Variants in ARHGEF10L observed in about 807,000 individuals in gnomAD.
The protein encoded by ARHGEF10L is rho guanine nucleotide exchange factor 10-like protein.
In ARHGEF10L, 69 loss-of-function variants were observed where a neutral mutation model predicts 141.2. That is an observed-to-expected ratio of 0.49 (90% CI 0.40 to 0.60). The LOEUF is 0.60. ARHGEF10L is among the 20% of genes least tolerant of loss of function. The pLI is 0.00. For synonymous variants in ARHGEF10L, 711 were observed against 718.5 expected, an observed-to-expected ratio of 0.99 and a Z score of 0.17; for missense variants, 1,482 against 1,734.3, an observed-to-expected ratio of 0.85 and a Z score of 2.58.
At chr1:17,564,105 G>T (rs986406409) in intron 1 of ARHGEF10L, among the ~76,000 whole-genome samples, 5 of 152,198 alleles carry the variant, frequency 3.3e-5, no homozygotes, top group African/African-American at 7.2e-5. Context: ...GAGCGGGAGG[G>T]TGCTGGCTCT....
At chr1:17,657,612 AT>A (rs779320727) in intron 25 of ARHGEF10L, among the ~76,000 whole-genome samples, 519 of 146,068 alleles carry the variant, frequency 3.6e-3, no homozygotes, top group African/African-American at 5.3e-3. Flanking sequence ...TACTGAGCTA[AT>A]TTTTTTTTTT....
chr1:17,519,376 T>C, the ARHGEF10L span, among the ~76,000 whole-genome samples: 2 of 151,146 alleles, frequency 1.3e-5, no homozygotes. Flanking sequence ...TTGGGAGGCC[T>C]AGGCAGGAGG....
intron 22 of ARHGEF10L, among the ~76,000 whole-genome samples, chr1:17,650,983 T>C (rs987627275): frequency 6.6e-6 from 1 of 152,212 alleles, no homozygotes; most frequent in African/African-American, 2.4e-5. Flanking sequence ...GCCGCTCTTT[T>C]TGTCTCTTGA....
chr1:17,649,043 A>G (rs2061759789), intron 22 of ARHGEF10L, among the ~76,000 whole-genome samples: 1 of 152,200 alleles, frequency 6.6e-6, no homozygotes, highest in African/African-American at 2.4e-5. Flanking sequence ...GCTTTGGCGC[A>G]GGGATTGCCC....
At position 17,603,554 on chromosome 1, in the gene ARHGEF10L, C is replaced by T. The variant is rs771919921; in HGVS notation, c.396C>T (p.Asp132=). The change falls in exon 6 of 29, where the codon GAC becomes GAT. Residue 132 remains aspartate (D), a synonymous_variant. Transcript: ENST00000361221. This position sits in a 1 kb window ranked among gnomAD's most constrained non-coding sequence, Gnocchi z 4.8. Reference sequence around the variant, plus strand: ...CCCTGGAAGAGGATGTGATTTATGACGACGTCCCCTGCGAGAGCCCAGATG... The same window carrying T: ...CCCTGGAAGAGGATGTGATTTATGATGACGTCCCCTGCGAGAGCCCAGATG... The part of the protein sequence containing the change: ...FPALEEDVIY[D]DVPCESPDAH... The T allele has an allele frequency of 3.1e-5, 50 of 1,613,544 alleles. No individual in the cohort carries two copies. Among genetic ancestry groups the T allele is most frequent in the African/African-American group, 1.1e-4 (8 of 74,912 alleles).
rs1186262883 is a variant in ARHGEF10L at position 17,618,468 on chromosome 1, C to G, written c.836-871C>G. On this transcript the variant is annotated intron_variant, in intron 9 of 28. Coordinates refer to ENST00000361221, the MANE Select transcript of ARHGEF10L (RefSeq NM_018125.4). ...GCAGGAGGGTCTGCACCACCCCCAC[C>G]CCCACGCCGTCATCCGCTGTCCCTC... 4.8e-6 allele frequency: 7 copies of G among 1,472,894 alleles called. No homozygotes were observed. The Admixed American group carries it at 1.7e-4, about 36-fold the overall frequency. The allele number at this position is 1,472,894 out of a possible 1,614,324, so 91.2% of individuals were successfully genotyped here. A position where few individuals can be genotyped will look rare whatever the true frequency, so the allele number is the denominator to read the frequency against.
intron 7 of ARHGEF10L, among the ~76,000 whole-genome samples, chr1:17,611,985 A>G (rs945964152): frequency 6.6e-6 from 1 of 151,848 alleles, no homozygotes; most frequent in African/African-American, 2.4e-5. Flanking sequence ...TTGTCCATCC[A>G]TCCATCCATC....
Position 17,551,470 on chromosome 1 carries a change from G to A in ARHGEF10L, c.-44+11520G>A, listed in dbSNP as rs1343406169. Among the ~76,000 whole-genome samples the A allele has an allele frequency of 2.0e-5, 3 of 152,192 alleles. No homozygotes were observed. In the East Asian group the frequency reaches 5.8e-4, roughly 29 times the overall value. On this transcript the variant is annotated intron_variant, in intron 1 of 28. Transcript: ENST00000361221. Reference sequence around the variant, plus strand: ...TCAGGGGAGGGAATAGCAGGGCCATGTCAGGGAGGGTGCAGGAGGGTGCTG... The same window carrying A: ...TCAGGGGAGGGAATAGCAGGGCCATATCAGGGAGGGTGCAGGAGGGTGCTG...
At position 17,618,492 on chromosome 1, in the gene ARHGEF10L, TC is replaced by T; in HGVS notation, c.836-845del. ...CCCCCACGCCGTCATCCGCTGTCCC[TC>T]CTCCTCCTCCTCCTCTGTCTCCTGC... On this transcript the variant is annotated intron_variant, in intron 9 of 28. Transcript: ENST00000361221. 5.9e-6 allele frequency: 6 copies of T among 1,024,026 alleles called. No homozygotes were observed. The South Asian group carries it at 1.5e-4, about 26-fold the overall frequency. The allele number at this position is 1,024,026 out of a possible 1,614,324, so 63.4% of individuals were successfully genotyped here. A position where few individuals can be genotyped will look rare whatever the true frequency, so the allele number is the denominator to read the frequency against.
chr1:17,695,652 G>T (rs1175099306), intron 28 of ARHGEF10L, among the ~76,000 whole-genome samples: 3 of 152,176 alleles, frequency 2.0e-5, no homozygotes, highest in Non-Finnish European at 4.4e-5. Flanking sequence ...CGGCCTGCTC[G>T]TGGGGTCCAT....
intron 1 of ARHGEF10L, among the ~76,000 whole-genome samples, chr1:17,562,676 T>C (rs896035763): frequency 3.0e-4 from 46 of 152,350 alleles, no homozygotes; most frequent in African/African-American, 8.2e-4. Flanking sequence ...ACTGTGTTGA[T>C]TTTTTGTATA....
rs1454763637 is a variant in ARHGEF10L at position 17,623,274 on chromosome 1, G to C, written c.1200+99G>C. On this transcript the variant is annotated intron_variant, in intron 12 of 28. Transcript: ENST00000361221. This position sits in a 1 kb window ranked among gnomAD's most constrained non-coding sequence, Gnocchi z 4.7. ...TCCAGCCTCCTGCCTCTGCCTGCTT[G>C]CCTTGTTCAAGTCAGTGGGATTAGA... is the stretch of plus-strand genomic sequence containing the variant. 1.4e-6 allele frequency: 2 copies of C among 1,428,176 alleles called. No individual in the cohort carries two copies. The highest frequency in any genetic ancestry group is 4.2e-5 in the Admixed American group (2 of 47,804). 88.5% of individuals were successfully genotyped at this position (1,428,176 alleles called of 1,614,324 possible).
chr1:17,622,930 G>A (rs2060183477), intron 11 of ARHGEF10L, 66 bp from the exon 12 acceptor site: 3 of 1,527,330 alleles, frequency 2.0e-6, no homozygotes, highest in South Asian at 2.5e-5. Flanking sequence ...GCCGAGTTCT[G>A]CATGAGGGCA....
In ARHGEF10L at chr1:17,624,443, T is replaced by G. The variant is rs778792031; in HGVS notation, c.1257T>G (p.Ser419Arg). ...VYSDYVNNFT[S>R]AMSIIKKACL... ...GTGACTACGTGAACAACTTCACCAGTGCCATGTCCATCATCAAGAAGGCCT... is the reference window on the plus strand; with the variant it reads ...GTGACTACGTGAACAACTTCACCAGGGCCATGTCCATCATCAAGAAGGCCT... Residue 419 changes from serine (S) to arginine (R), a missense_variant, in exon 13 of 29, where the codon AGT (serine) becomes AGG (arginine). By Grantham distance (110) the Ser-to-Arg change is moderately radical. This residue lies in a region of ARHGEF10L where 392 missense variants were observed against 542.1 expected (regional missense o/e 0.72). Transcript: ENST00000361221. 1.2e-6 allele frequency: 2 copies of G among 1,614,236 alleles called. No individual in the cohort carries two copies. The highest frequency in any genetic ancestry group is 1.7e-6 in the Non-Finnish European group (2 of 1,180,036).
At chr1:17,552,588 T>G (rs942205345) in intron 1 of ARHGEF10L, among the ~76,000 whole-genome samples, 15 of 118,428 alleles carry the variant, frequency 1.3e-4, no homozygotes, top group Non-Finnish European at 2.4e-4. Context: ...TTTTTTTTTT[T>G]TTTTTTTTTT....
chr1:17,587,083 C>G (rs1388836944), intron 2 of ARHGEF10L, among the ~76,000 whole-genome samples: 2 of 152,194 alleles, frequency 1.3e-5, no homozygotes, highest in African/African-American at 4.8e-5. Flanking sequence ...CACACAGACA[C>G]ATCAACACAC....
At chr1:17,633,581 A>C (rs2060828083) in intron 16 of ARHGEF10L, among the ~76,000 whole-genome samples, 1 of 151,750 alleles carries the variant, frequency 6.6e-6, no homozygotes, top group Non-Finnish European at 1.5e-5. Flanking sequence ...CAAACTCCTG[A>C]CCTCAGGTGA....
At position 17,603,578 on chromosome 1, in the gene ARHGEF10L, T is replaced by A. The variant is rs1186724949; in HGVS notation, c.420T>A (p.Asp140Glu). Residue 140 changes from aspartate (D) to glutamate (E), a missense_variant, in exon 6 of 29, where the codon GAT becomes GAA. Coordinates refer to ENST00000361221, the MANE Select transcript of ARHGEF10L (RefSeq NM_018125.4). The surrounding 1 kb of genome is among the most constrained non-coding windows in gnomAD (Gnocchi z 4.8). Reference protein sequence around the residue: ...IYDDVPCESPDAHQPGAERNL... With the variant: ...IYDDVPCESPEAHQPGAERNL... ...ACGACGTCCCCTGCGAGAGCCCAGA[T>A]GCGCATCAGCCCGGTATGATGTCTG... is the stretch of plus-strand genomic sequence containing the variant. The A allele has an allele frequency of 6.2e-7, 1 of 1,613,180 alleles. No homozygotes were observed. Among genetic ancestry groups the A allele is most frequent in the South Asian group, 1.1e-5 (1 of 90,720 alleles).
At chr1:17,557,049 AAAAG>A (rs570524626) in intron 1 of ARHGEF10L, among the ~76,000 whole-genome samples, 2,754 of 151,330 alleles carry the variant, frequency 0.018, 83 homozygotes, top group African/African-American at 0.062. Context: ...AAAAAAAAAA[AAAAG>A]AAAATGTGGC....
Sources: allele counts gnomAD v4.1 joint callset (sites outside exome capture counted in the v4.1 genomes callset), GRCh38; gene constraint gnomAD v4.1.1; regional missense constraint gnomAD v4.1.1; non-coding constraint Gnocchi (gnomAD v3.1); transcripts MANE v1.5; gene names NCBI Gene and HGNC (gene_info 2026-07-23, HGNC 2026-07-21).